FREM1: variants seen among roughly 807,000 people sequenced by gnomAD.
FREM1 encodes the protein FRAS1 related extracellular matrix 1.
FREM1 carries 220 observed loss-of-function variants against 210.1 expected under a neutral mutation model. That is an observed-to-expected ratio of 1.05 (90% CI 0.94 to 1.17). The LOEUF (loss-of-function observed/expected upper bound fraction) is 1.17. Ranked by LOEUF, FREM1 falls within the 50% of genes most tolerant of loss-of-function variation. The pLI is 0.00. For synonymous variants in FREM1, 1,189 were observed against 980.2 expected, an observed-to-expected ratio of 1.21 and a Z score of -3.98; for missense variants, 3,454 against 2,675.5, an observed-to-expected ratio of 1.29 and a Z score of -6.42.
intron 35 of FREM1, 131 bp downstream of exon 35, chr9:14,746,222 C>T (rs192805536): frequency 2.0e-4 from 127 of 643,152 alleles, no homozygotes; most frequent in Non-Finnish European, 3.2e-4. Context: ...CTCAGGGCTC[C>T]TAAAACAAAG....
chr9:14,864,339 T>C (rs1831125272), intron 2 of FREM1, among the ~76,000 whole-genome samples: 1 of 152,206 alleles, frequency 6.6e-6, no homozygotes, highest in Non-Finnish European at 1.5e-5. Context: ...CTGTATTCTT[T>C]CTGTATATCT....
intron 10 of FREM1, among the ~76,000 whole-genome samples, chr9:14,840,312 T>A (rs543215325): frequency 6.6e-6 from 1 of 152,290 alleles, no homozygotes; most frequent in African/African-American, 2.4e-5. Context: ...AAAATGTACG[T>A]ACATAGTAGG....
intron 36 of FREM1, among the ~76,000 whole-genome samples, chr9:14,739,449 A>AATATATATAT (rs56320339): frequency 5.3e-5 from 7 of 132,360 alleles, no homozygotes; most frequent in African/African-American, 1.8e-4. Flanking sequence ...AATTATTTGG[A>AATATATATAT]ATATATATAT....
chr9:14,795,538 T>C (rs747921946), intron 21 of FREM1, among the ~76,000 whole-genome samples: 1 of 152,208 alleles, frequency 6.6e-6, no homozygotes, highest in Non-Finnish European at 1.5e-5. Flanking sequence ...AGAGTGTTAT[T>C]ACTTCCTATC....
Position 14,740,175 on chromosome 9 carries a change from A to G in FREM1, c.6314T>C (p.Ile2105Thr). 1.9e-6 allele frequency: 3 copies of G among 1,612,598 alleles called. No individual in the cohort carries two copies. Among genetic ancestry groups the G allele is most frequent in the Non-Finnish European group, 2.5e-6 (3 of 1,179,096 alleles). Reference sequence around the variant, plus strand: ...TATCCAAAAGGACTTTCTCCCACCAATGTCCCAGAGCCACCGCATGTGCTG... The same window carrying G: ...TATCCAAAAGGACTTTCTCCCACCAGTGTCCCAGAGCCACCGCATGTGCTG... ...SRQHMRWLWD[I>T]GGRKSFWIGL... The change falls in exon 36 of 37, where the codon ATT becomes ACT. Residue 2105 changes from isoleucine to threonine, a missense_variant. Coordinates refer to ENST00000380880, the MANE Select transcript of FREM1 (RefSeq NM_001379081.2).
At chr9:14,794,478 G>A (rs10756613) in intron 21 of FREM1, among the ~76,000 whole-genome samples, 25,158 of 152,140 alleles carry the variant, frequency 0.17, 2,604 homozygotes, top group South Asian at 0.25. Context: ...GAGGCACTGC[G>A]GACACCTGAG....
intron 35 of FREM1, 60 bp downstream of exon 35, chr9:14,746,293 G>T: frequency 8.1e-7 from 1 of 1,233,594 alleles, no homozygotes; most frequent in South Asian, 1.3e-5. Context: ...CCGCTTCCAT[G>T]AGCAAATAGA....
Position 14,737,453 on chromosome 9 carries a change from T to C in FREM1, c.6483A>G (p.Gln2161=), listed in dbSNP as rs1306389892. ...GTTTGGCTCTCCTACAGTCTTTTGTTTGCCATTTCCCTTGTCTTTGAACCA... is the reference window on the plus strand; with the variant it reads ...GTTTGGCTCTCCTACAGTCTTTTGTCTGCCATTTCCCTTGTCTTTGAACCA... ...CVLVQRQGKW[Q]TKDCRRAKPH... Residue 2161 remains glutamine (Q), a synonymous_variant, in exon 37 of 37, where the codon CAA becomes CAG. Coordinates refer to ENST00000380880, the MANE Select transcript of FREM1 (RefSeq NM_001379081.2). 1.9e-6 allele frequency: 3 copies of C among 1,613,790 alleles called. No individual in the cohort carries two copies. In the African/African-American group the frequency reaches 4.0e-5, roughly 22 times the overall value.
At chr9:14,812,594 T>C (rs1026307744) in intron 16 of FREM1, among the ~76,000 whole-genome samples, 1 of 152,160 alleles carries the variant, frequency 6.6e-6, no homozygotes, top group Non-Finnish European at 1.5e-5. Flanking sequence ...GCAAGTAATA[T>C]CTGCCTTTCT....
At chr9:14,778,879 A>G (rs1321322682) in intron 24 of FREM1, among the ~76,000 whole-genome samples, 5 of 152,192 alleles carry the variant, frequency 3.3e-5, no homozygotes, top group African/African-American at 1.2e-4. Flanking sequence ...CCCATCTTAA[A>G]AAAAGAAAAA....
At chr9:14,892,811 C>T (rs1837080043) in intron 1 of FREM1, among the ~76,000 whole-genome samples, 1 of 152,150 alleles carries the variant, frequency 6.6e-6, no homozygotes, top group South Asian at 2.1e-4. Context: ...CTTCACCTTC[C>T]CCACTCTGCC....
At chr9:14,746,614 T>G (rs1842484890) in intron 34 of FREM1, 146 bp from the exon 35 acceptor site, 1 of 658,406 alleles carries the variant, frequency 1.5e-6, no homozygotes, top group Non-Finnish European at 2.6e-6. Context: ...ATTCTCCATC[T>G]TGAGAAATAC....
rs757258977 is a variant in FREM1 at position 14,775,817 on chromosome 9, C to T, written c.4829G>A (p.Trp1610Ter). 9 of 1,613,242 alleles carry T rather than the reference C, an allele frequency of 5.6e-6. No homozygotes were observed. In the African/African-American group the frequency reaches 8.0e-5, roughly 14 times the overall value. ...NQGFIVNGRVWEEPVLFTIQV... is the reference protein window; with the variant it reads ...NQGFIVNGRV ...AATGGTGAATAAAACAGGTTCTTCC[C>T]ACACTCTCCCATTCACAATAAAGCC... Residue 1610 changes from tryptophan (W) to a stop codon, truncating the protein, a stop_gained, in exon 25 of 37, where the codon TGG (tryptophan) becomes TAG (stop). Transcript: ENST00000380880. LOFTEE classifies it high-confidence loss of function.
In FREM1 at chr9:14,823,423, A is replaced by G. The variant is rs1821744101; in HGVS notation, c.2170-96T>C. 1.4e-5 allele frequency: 15 copies of G among 1,089,158 alleles called. No homozygotes were observed. In the South Asian group the frequency reaches 2.6e-4, roughly 19 times the overall value. 67.5% of individuals were successfully genotyped at this position (1,089,158 alleles called of 1,614,324 possible). On this transcript the variant is annotated intron_variant, in intron 12 of 36. Transcript: ENST00000380880. Reference sequence around the variant, plus strand: ...GAACCATCATGTTAATTGATATTGAACACTGTAAATGCCACCATCATCACT... The same window carrying G: ...GAACCATCATGTTAATTGATATTGAGCACTGTAAATGCCACCATCATCACT...
chr9:14,834,178 C>T (rs1824102834), intron 10 of FREM1, among the ~76,000 whole-genome samples: 1 of 152,040 alleles, frequency 6.6e-6, no homozygotes, highest in South Asian at 2.1e-4. Context: ...CGCTCTTAGC[C>T]ACCTGGAAAA....
At chr9:14,780,357 A>G (rs949168877) in intron 24 of FREM1, among the ~76,000 whole-genome samples, 1 of 148,000 alleles carries the variant, frequency 6.8e-6, no homozygotes, top group African/African-American at 2.5e-5. Flanking sequence ...CTGGCAATAG[A>G]GTTGGCTGAA....
upstream of FREM1, chr9:14,910,876 G>C (rs1352969937): frequency 6.6e-6 from 1 of 152,134 alleles, no homozygotes; most frequent in African/African-American, 2.4e-5. Flanking sequence ...CATTCAGAAG[G>C]GACAGGGCCC....
intron 27 of FREM1, among the ~76,000 whole-genome samples, chr9:14,763,058 C>T (rs16932272): frequency 0.06 from 9,193 of 152,196 alleles, 306 homozygotes; most frequent in Middle Eastern, 0.092. Flanking sequence ...CATTGAGTGA[C>T]GCTCATTTTA....
At chr9:14,789,237 G>T in intron 22 of FREM1, 123 bp from the exon 23 acceptor site, 1 of 612,710 alleles carries the variant, frequency 1.6e-6, no homozygotes, top group Non-Finnish European at 2.5e-6. Flanking sequence ...GGAAATTCCA[G>T]ACTACTTTTT....
Sources: allele counts gnomAD v4.1 joint callset (sites outside exome capture counted in the v4.1 genomes callset), GRCh38; gene constraint gnomAD v4.1.1; transcripts MANE v1.5; gene names NCBI Gene and HGNC (gene_info 2026-07-23, HGNC 2026-07-21).